Variants in LRRC4C observed in about 807,000 individuals in gnomAD.
LRRC4C encodes leucine-rich repeat-containing protein 4C.
In LRRC4C, 5 loss-of-function variants were observed where a neutral mutation model predicts 33.6. The observed-to-expected ratio is 0.15, with a 90% confidence interval of 0.08 to 0.31. LRRC4C has a LOEUF of 0.31. Ranked by LOEUF, LRRC4C falls within the 10% of genes least tolerant of loss-of-function variation. LRRC4C has a pLI of 1.00. For synonymous variants in LRRC4C, 329 were observed against 302.0 expected (o/e 1.09, Z -0.93); for missense variants, 560 against 796.7 (o/e 0.70, Z 3.58).
At chr11:40,606,567 TA>T (rs1234119915) in intron 3 of LRRC4C, among the ~76,000 whole-genome samples, 2 of 149,556 alleles carry the variant, frequency 1.3e-5, no homozygotes, top group East Asian at 2.0e-4. Flanking sequence ...AAAATGACCC[TA>T]AAAAAAAGAG....
chr11:41,334,529 C>T (rs907623722), intron 1 of LRRC4C, among the ~76,000 whole-genome samples: 1 of 152,036 alleles, frequency 6.6e-6, no homozygotes, highest in Non-Finnish European at 1.5e-5. Flanking sequence ...AATTATAACA[C>T]TAAGATTTTC....
At chr11:41,015,731 A>T (rs1020122854) in intron 1 of LRRC4C, among the ~76,000 whole-genome samples, 3 of 152,240 alleles carry the variant, frequency 2.0e-5, no homozygotes, top group Admixed American at 6.5e-5. Flanking sequence ...AAAGTGGAAA[A>T]TTAAATTTTG....
At chr11:40,122,101 A>G (rs1424674575) in intron 6 of LRRC4C, among the ~76,000 whole-genome samples, 1 of 152,154 alleles carries the variant, frequency 6.6e-6, no homozygotes, top group South Asian at 2.1e-4. Flanking sequence ...AAAATTCAAC[A>G]GACATCTGTG....
chr11:40,175,518 G>A (rs577065987), intron 5 of LRRC4C, among the ~76,000 whole-genome samples: 4 of 152,266 alleles, frequency 2.6e-5, no homozygotes, highest in South Asian at 2.1e-4. Context: ...AAAGAATGCT[G>A]GAGACTGTCT....
intron 1 of LRRC4C, among the ~76,000 whole-genome samples, chr11:41,448,825 T>C (rs1403445781): frequency 2.0e-5 from 3 of 152,238 alleles, no homozygotes; most frequent in Non-Finnish European, 2.9e-5. Context: ...ACCTACTTCA[T>C]AGTTGTTTTG....
At chr11:41,444,358 A>C (rs1453400012) in intron 1 of LRRC4C, among the ~76,000 whole-genome samples, 1 of 152,214 alleles carries the variant, frequency 6.6e-6, no homozygotes, top group Non-Finnish European at 1.5e-5. Context: ...GTTGTATTAC[A>C]ATTTATAAAT....
At chr11:41,401,050 T>C (rs1954007085) in intron 1 of LRRC4C, among the ~76,000 whole-genome samples, 1 of 151,828 alleles carries the variant, frequency 6.6e-6, no homozygotes, top group Non-Finnish European at 1.5e-5. Flanking sequence ...ATATGCCAAA[T>C]ATTGTAATAT....
intron 2 of LRRC4C, among the ~76,000 whole-genome samples, chr11:40,660,044 C>A (rs1167360012): frequency 6.6e-6 from 1 of 152,232 alleles, no homozygotes; most frequent in Non-Finnish European, 1.5e-5. Flanking sequence ...TGGGGCTCTG[C>A]AGTTCCTTGT....
chr11:40,915,889 T>C (rs1156569400), intron 2 of LRRC4C, among the ~76,000 whole-genome samples: 2 of 152,030 alleles, frequency 1.3e-5, no homozygotes, highest in South Asian at 2.1e-4. Context: ...GGGTGAAGGA[T>C]ATGAACAGAC....
intron 3 of LRRC4C, among the ~76,000 whole-genome samples, chr11:40,616,372 A>C (rs1961830521): frequency 6.6e-6 from 1 of 152,040 alleles, no homozygotes; most frequent in African/African-American, 2.4e-5. Context: ...GGGATCTAGA[A>C]CTAGAAACAC....
intron 1 of LRRC4C, among the ~76,000 whole-genome samples, chr11:40,963,943 T>C (rs1393385019): frequency 1.3e-5 from 2 of 151,754 alleles, no homozygotes; most frequent in African/African-American, 4.8e-5. Context: ...TAAAAATCTA[T>C]GAATGAGAAA....
chr11:41,415,032 A>T (rs969775284), intron 1 of LRRC4C, among the ~76,000 whole-genome samples: 1 of 152,158 alleles, frequency 6.6e-6, no homozygotes, highest in Non-Finnish European at 1.5e-5. Flanking sequence ...AAAGTAGCCT[A>T]TTTAGACACA....
chr11:40,569,014 G>T (rs953071217), intron 3 of LRRC4C, among the ~76,000 whole-genome samples: 10 of 152,138 alleles, frequency 6.6e-5, no homozygotes, highest in African/African-American at 2.4e-4. Context: ...TGTACTTACT[G>T]TTCTTTGTTT....
chr11:40,488,489 G>C (rs1239151912), intron 3 of LRRC4C, among the ~76,000 whole-genome samples: 1 of 141,114 alleles, frequency 7.1e-6, no homozygotes, highest in Non-Finnish European at 1.6e-5. Context: ...CCTTTGCTTA[G>C]ACTATGGTAT....
intron 2 of LRRC4C, among the ~76,000 whole-genome samples, chr11:40,768,358 G>T (rs75479522): frequency 0.11 from 16,229 of 152,012 alleles, 1,281 homozygotes; most frequent in East Asian, 0.41. Flanking sequence ...GGGACCTGGT[G>T]GTTTCACTGA....
chr11:41,376,848 C>T (rs575326801), intron 1 of LRRC4C, among the ~76,000 whole-genome samples: 2 of 151,988 alleles, frequency 1.3e-5, no homozygotes, highest in Non-Finnish European at 2.9e-5. Context: ...TAGATAGATA[C>T]ACACATACGT....
intron 1 of LRRC4C, among the ~76,000 whole-genome samples, chr11:41,088,362 A>G (rs968752949): frequency 6.6e-6 from 1 of 152,106 alleles, no homozygotes; most frequent in African/African-American, 2.4e-5. Flanking sequence ...AGAAAATATT[A>G]AAGGAGATTG....
intron 2 of LRRC4C, among the ~76,000 whole-genome samples, chr11:40,896,922 C>A (rs1006379542): frequency 6.6e-6 from 1 of 152,058 alleles, no homozygotes; most frequent in Admixed American, 6.6e-5. Flanking sequence ...AAGAGGAATT[C>A]TTAAGGGCAT....
At chr11:40,605,664 G>A (rs1960504859) in intron 3 of LRRC4C, among the ~76,000 whole-genome samples, 1 of 151,900 alleles carries the variant, frequency 6.6e-6, no homozygotes, top group Admixed American at 6.5e-5. Flanking sequence ...TGGGGTACCT[G>A]CCAAAGAAAC....
Sources: allele counts gnomAD v4.1 joint callset (sites outside exome capture counted in the v4.1 genomes callset), GRCh38; gene constraint gnomAD v4.1.1; transcripts MANE v1.5; gene names NCBI Gene and HGNC (gene_info 2026-07-23, HGNC 2026-07-21).